PRKD1: variants seen among roughly 807,000 people sequenced by gnomAD.
PRKD1 encodes serine/threonine-protein kinase D1.
A neutral mutation model predicts 95.9 loss-of-function variants in PRKD1; 63 were observed. The ratio of observed to expected loss-of-function variants is 0.66; its 90% CI spans 0.54 to 0.81. The LOEUF (loss-of-function observed/expected upper bound fraction) is 0.81, where lower values mean the gene tolerates loss of function less well. Among genes scored for constraint, PRKD1 ranks in the 30% least tolerant of loss-of-function variants. The pLI, the probability that PRKD1 is intolerant of heterozygous loss-of-function variation, is 0.00. For synonymous variants in PRKD1, 425 were observed against 423.1 expected, an observed-to-expected ratio of 1.00 and a Z score of -0.05; for missense variants, 1,048 against 1,165.3, an observed-to-expected ratio of 0.90 and a Z score of 1.47.
intron 4 of PRKD1, among the ~76,000 whole-genome samples, chr14:29,649,267 C>T (rs1469357967): frequency 6.6e-6 from 1 of 152,088 alleles, no homozygotes; most frequent in African/African-American, 2.4e-5. Flanking sequence ...TTTTTAGAGG[C>T]AGGTAGCCTT....
intron 2 of PRKD1, among the ~76,000 whole-genome samples, chr14:29,683,600 C>T (rs1883664766): frequency 1.3e-5 from 2 of 151,982 alleles, no homozygotes; most frequent in Non-Finnish European, 2.9e-5. Flanking sequence ...AAAGAGGAGG[C>T]AAGAATTCAA....
intron 1 of PRKD1, among the ~76,000 whole-genome samples, chr14:29,917,081 A>C (rs1894917584): frequency 6.6e-6 from 1 of 152,206 alleles, no homozygotes; most frequent in African/African-American, 2.4e-5. Flanking sequence ...ATTGATAAAA[A>C]GCTTAAGAAA....
At chr14:29,589,513 A>G (rs756366006) in intron 16 of PRKD1, among the ~76,000 whole-genome samples, 55 of 152,320 alleles carry the variant, frequency 3.6e-4, no homozygotes, top group Non-Finnish European at 5.3e-4. Flanking sequence ...TTGTGTGGAC[A>G]TGATAGTTGA....
At chr14:29,695,750 G>A (rs994009321) in intron 2 of PRKD1, among the ~76,000 whole-genome samples, 1 of 152,174 alleles carries the variant, frequency 6.6e-6, no homozygotes, top group Admixed American at 6.5e-5. Context: ...ACTGGAAAGA[G>A]TTTTGAGTTC....
At chr14:29,878,341 C>CAA (rs58074850) in intron 1 of PRKD1, among the ~76,000 whole-genome samples, 5,935 of 49,638 alleles carry the variant, frequency 0.12, 757 homozygotes, top group African/African-American at 0.3. Flanking sequence ...GTTCTAATGA[C>CAA]AAAAAAAAAA....
intron 2 of PRKD1, among the ~76,000 whole-genome samples, chr14:29,685,112 A>T: frequency 6.6e-6 from 1 of 152,212 alleles, no homozygotes; most frequent in Non-Finnish European, 1.5e-5. Context: ...CTCAGGCTGC[A>T]GGGCCAATGT....
intron 1 of PRKD1, among the ~76,000 whole-genome samples, chr14:29,833,504 T>TA (rs1273628052): frequency 3.9e-5 from 6 of 152,062 alleles, no homozygotes; most frequent in African/African-American, 1.4e-4. Context: ...CCTCCTTTAA[T>TA]ATATTATATC....
chr14:29,862,988 T>C (rs1321963282), intron 1 of PRKD1, among the ~76,000 whole-genome samples: 1 of 152,188 alleles, frequency 6.6e-6, no homozygotes, highest in East Asian at 1.9e-4. Flanking sequence ...GGCGGCTTCA[T>C]AAAACAAAAT....
intron 16 of PRKD1, among the ~76,000 whole-genome samples, chr14:29,581,482 G>A (rs932922060): frequency 6.6e-6 from 1 of 152,024 alleles, no homozygotes; most frequent in Non-Finnish European, 1.5e-5. Flanking sequence ...CGCTTCAAAA[G>A]GCCATGTAAG....
intron 2 of PRKD1, among the ~76,000 whole-genome samples, chr14:29,667,151 G>T: frequency 6.6e-6 from 1 of 152,036 alleles, no homozygotes; most frequent in Non-Finnish European, 1.5e-5. Context: ...GGTTGCGGCT[G>T]CACAATATAG....
At position 29,852,603 on chromosome 14, in the gene PRKD1, C is replaced by G. The variant is rs185295301; in HGVS notation, c.264+74646G>C. ...TAAGAAATAATGGATGAAAACTTCC[C>G]AAATTTGATAAAGATGGAATTTTGT... On this transcript the variant is annotated intron_variant, in intron 1 of 17. Transcript: ENST00000331968. 4.0e-5 allele frequency among the ~76,000 whole-genome samples: 6 copies of G among 151,752 alleles called. No individual in the cohort carries two copies. The East Asian group carries it at 1.2e-3, about 29-fold the overall frequency.
chr14:29,779,402 C>T (rs1056672330), intron 1 of PRKD1, among the ~76,000 whole-genome samples: 1 of 152,124 alleles, frequency 6.6e-6, no homozygotes, highest in Non-Finnish European at 1.5e-5. Context: ...CGTCTCAGCC[C>T]CAAATCTCCT....
chr14:29,720,705 G>A (rs557918021), intron 2 of PRKD1, among the ~76,000 whole-genome samples: 20 of 151,924 alleles, frequency 1.3e-4, no homozygotes, highest in Admixed American at 1.0e-3. Flanking sequence ...GCTTAAACCC[G>A]GGAGGTGGAG....
At chr14:29,826,082 A>G (rs1891095486) in intron 1 of PRKD1, among the ~76,000 whole-genome samples, 1 of 151,188 alleles carries the variant, frequency 6.6e-6, no homozygotes, top group Non-Finnish European at 1.5e-5. Flanking sequence ...CCATCAATCA[A>G]TGAGTGGATA....
At chr14:29,757,282 TTATTTC>T (rs768453794) in intron 1 of PRKD1, among the ~76,000 whole-genome samples, 5 of 152,146 alleles carry the variant, frequency 3.3e-5, no homozygotes, top group African/African-American at 4.8e-5. Flanking sequence ...GGGATGAAAG[TTATTTC>T]CTGCTTTTGA....
intron 1 of PRKD1, among the ~76,000 whole-genome samples, chr14:29,924,425 A>C (rs1895227428): frequency 1.3e-5 from 2 of 152,334 alleles, no homozygotes; most frequent in South Asian, 2.1e-4. Context: ...TCTCAGGGAA[A>C]CTTATGCAGC....
chr14:29,703,837 T>G (rs1884955414), intron 2 of PRKD1, among the ~76,000 whole-genome samples: 1 of 152,118 alleles, frequency 6.6e-6, no homozygotes, highest in South Asian at 2.1e-4. Flanking sequence ...TCAAACTCTT[T>G]CCTATGAATC....
intron 2 of PRKD1, among the ~76,000 whole-genome samples, chr14:29,680,118 G>C (rs2139264207): frequency 6.6e-6 from 1 of 152,238 alleles, no homozygotes; most frequent in East Asian, 1.9e-4. Flanking sequence ...TTCAAGTTGA[G>C]GCTCTAGAAT....
intron 4 of PRKD1, 92 bp downstream of exon 4, chr14:29,663,607 C>A (rs1882311617): frequency 7.0e-7 from 1 of 1,438,472 alleles, no homozygotes; most frequent in South Asian, 1.2e-5. Context: ...TGCATTCTCC[C>A]TCCTAGCGCC....
Sources: allele counts gnomAD v4.1 joint callset (sites outside exome capture counted in the v4.1 genomes callset), GRCh38; gene constraint gnomAD v4.1.1; transcripts MANE v1.5; gene names NCBI Gene and HGNC (gene_info 2026-07-23, HGNC 2026-07-21).